The following CHIC1 variants were observed in gnomAD, a reference collection of about 807,000 sequenced individuals.
CHIC1 encodes the protein cysteine rich hydrophobic domain 1.
A neutral mutation model predicts 18.5 loss-of-function variants in CHIC1; 7 were observed. That is an observed-to-expected ratio of 0.38 (90% confidence interval 0.22 to 0.71). CHIC1 has a LOEUF of 0.71. Among genes scored for constraint, CHIC1 ranks in the 30% least tolerant of loss-of-function variants. CHIC1 has a pLI of 0.49. For synonymous variants in CHIC1, 77 were observed against 73.5 expected (o/e 1.05, Z -0.25); for missense variants, 159 against 176.9 (o/e 0.90, Z 0.57).
chrX:73,657,161 G>A (rs906963791), intron 3 of CHIC1, among the ~76,000 whole-genome samples: 11 of 106,547 alleles, frequency 1.0e-4, no homozygotes, highest in East Asian at 2.9e-4. Context: ...CCGGGTTCAC[G>A]CCATTCTCCC....
At chrX:73,564,557 T>C (rs2057435420) in intron 1 of CHIC1, among the ~76,000 whole-genome samples, 1 of 111,370 alleles carries the variant, frequency 9.0e-6, no homozygotes, top group African/African-American at 3.3e-5. Flanking sequence ...TCCTCATTTT[T>C]ATTTGCTTGG....
At chrX:73,598,784 A>G (rs745906520) in intron 3 of CHIC1, among the ~76,000 whole-genome samples, 74 of 110,793 alleles carry the variant, frequency 6.7e-4, no homozygotes, top group African/African-American at 2.4e-3. Context: ...TAATGCCGCA[A>G]TAAACATACA....
chrX:73,670,337 G>A (rs1240502948), intron 3 of CHIC1, among the ~76,000 whole-genome samples: 4 of 112,028 alleles, frequency 3.6e-5, no homozygotes, highest in Non-Finnish European at 7.5e-5. Context: ...GTGGACCACA[G>A]CTGCTTCTAA....
chrX:73,566,021 T>C (rs1237363600), intron 1 of CHIC1, among the ~76,000 whole-genome samples: 1 of 111,217 alleles, frequency 9.0e-6, no homozygotes, highest in Non-Finnish European at 1.9e-5. Flanking sequence ...GTTTCATTTC[T>C]TTCCTTGATG....
intron 5 of CHIC1, among the ~76,000 whole-genome samples, chrX:73,680,208 A>T (rs768203547): frequency 9.1e-6 from 1 of 109,761 alleles, no homozygotes; most frequent in Admixed American, 9.8e-5. Flanking sequence ...ATAAATTCAC[A>T]TATAGCCAAT....
At position 73,567,944 on chromosome X, in the gene CHIC1, A is replaced by C. The variant is rs374973359; in HGVS notation, c.296+4364A>C. On this transcript the variant is annotated intron_variant, in intron 1 of 5. Coordinates refer to ENST00000373502, the MANE Select transcript of CHIC1 (RefSeq NM_001039840.4). ...TGCAAGTCTTCTTTTTTTCCACTAAATTGTAAATTGCAATGACAAGAACAA... is the reference window on the plus strand; with the variant it reads ...TGCAAGTCTTCTTTTTTTCCACTAACTTGTAAATTGCAATGACAAGAACAA... Among the ~76,000 whole-genome samples the C allele has an allele frequency of 5.4e-5, 6 of 110,848 alleles. No homozygotes were observed. In the East Asian group the frequency reaches 1.7e-3, roughly 31 times the overall value.
chrX:73,633,802 G>A (rs2057819272), intron 3 of CHIC1, among the ~76,000 whole-genome samples: 1 of 110,125 alleles, frequency 9.1e-6, no homozygotes, highest in African/African-American at 3.3e-5. Context: ...ATTGTACTCA[G>A]CTTGATCAAG....
intron 3 of CHIC1, among the ~76,000 whole-genome samples, chrX:73,587,029 G>A (rs187657227): frequency 1.7e-3 from 190 of 111,796 alleles, no homozygotes; most frequent in Non-Finnish European, 2.7e-3. Context: ...ACAAAAACAG[G>A]CAGCAAGCCA....
At chrX:73,595,744 C>T (rs939858279) in intron 3 of CHIC1, among the ~76,000 whole-genome samples, 25 of 111,167 alleles carry the variant, frequency 2.2e-4, no homozygotes, top group Admixed American at 2.0e-3. Flanking sequence ...CTTGAGGAAT[C>T]GCCACATTGT....
chrX:73,622,532 G>A (rs1283588604), intron 3 of CHIC1, among the ~76,000 whole-genome samples: 1 of 111,723 alleles, frequency 9.0e-6, no homozygotes, highest in Non-Finnish European at 1.9e-5. Flanking sequence ...TGTAGGATCA[G>A]TGGTGATATC....
At chrX:73,585,156 A>C (rs773867281) in intron 3 of CHIC1, among the ~76,000 whole-genome samples, 5 of 111,976 alleles carry the variant, frequency 4.5e-5, no homozygotes, top group African/African-American at 1.6e-4. Flanking sequence ...AATTCATTTT[A>C]CCTAAAGTGT....
chrX:73,601,607 A>G lies in CHIC1; in HGVS notation c.507+17035A>G, dbSNP rs1272498934. 1.0e-4 allele frequency among the ~76,000 whole-genome samples: 11 copies of G among 104,886 alleles called. No homozygotes were observed. In the East Asian group the frequency reaches 3.2e-3, roughly 30 times the overall value. 91.1% of individuals were successfully genotyped at this position (104,886 alleles called of 115,157 possible). On this transcript the variant is annotated intron_variant, in intron 3 of 5. Transcript: ENST00000373502. ...GCACTAAATGCCCACAAGAGAAAGC[A>G]GGAAAGATCCAAAATTGACACCCTA...
At chrX:73,606,525 G>A (rs2057684492) in intron 3 of CHIC1, among the ~76,000 whole-genome samples, 1 of 107,392 alleles carries the variant, frequency 9.3e-6, no homozygotes, top group Admixed American at 9.9e-5. Flanking sequence ...TTGCTCCCTT[G>A]CTAGTGAGGA....
intron 3 of CHIC1, among the ~76,000 whole-genome samples, chrX:73,639,366 T>G (rs780581671): frequency 1.3e-4 from 14 of 111,713 alleles, no homozygotes; most frequent in Non-Finnish European, 2.1e-4. Context: ...TTTTAATGGG[T>G]TGGTTTGTTT....
At chrX:73,634,002 T>G (rs1186231428) in intron 3 of CHIC1, among the ~76,000 whole-genome samples, 2 of 112,364 alleles carry the variant, frequency 1.8e-5, no homozygotes, top group Non-Finnish European at 3.8e-5. Context: ...GATGATTATT[T>G]TGAATTTTTG....
chrX:73,628,765 A>G (rs1275852292), intron 3 of CHIC1, among the ~76,000 whole-genome samples: 1 of 110,966 alleles, frequency 9.0e-6, no homozygotes, highest in South Asian at 3.8e-4. Context: ...GTGCTCACCT[A>G]ATTTTGGGTT....
intron 3 of CHIC1, among the ~76,000 whole-genome samples, chrX:73,616,628 A>G (rs1427777211): frequency 3.6e-5 from 4 of 111,846 alleles, no homozygotes; most frequent in Admixed American, 2.8e-4. Context: ...GAGGTTCCCA[A>G]ACCTCAGTTC....
chrX:73,585,232 A>T (rs973026913), intron 3 of CHIC1, among the ~76,000 whole-genome samples: 1 of 111,977 alleles, frequency 8.9e-6, no homozygotes, highest in African/African-American at 3.2e-5. Flanking sequence ...ATGAAATCAG[A>T]TTCAAAATTA....
chrX:73,577,562 G>C, intron 2 of CHIC1, 101 bp downstream of exon 2: 1 of 620,687 alleles, frequency 1.6e-6, no homozygotes, highest in Non-Finnish European at 2.6e-6. Flanking sequence ...ATGAAGTCAA[G>C]TAATAGGAGG....
Sources: allele counts gnomAD v4.1 joint callset (sites outside exome capture counted in the v4.1 genomes callset), GRCh38; gene constraint gnomAD v4.1.1; transcripts MANE v1.5; gene names NCBI Gene and HGNC (gene_info 2026-07-23, HGNC 2026-07-21).